The following FGF10 variants were observed in gnomAD, a reference collection of about 807,000 sequenced individuals.
FGF10 encodes FGF-10.
A neutral mutation model predicts 19.8 loss-of-function variants in FGF10; 2 were observed. The observed-to-expected ratio is 0.10, with a 90% CI of 0.04 to 0.32. FGF10 has a LOEUF of 0.32. Ranked by LOEUF, FGF10 falls within the 10% of genes least tolerant of loss-of-function variation. The pLI, the probability that FGF10 is intolerant of heterozygous loss-of-function variation, is 1.00. For synonymous variants in FGF10, 112 were observed against 94.0 expected (o/e 1.19, Z -1.10); for missense variants, 191 against 246.3 (o/e 0.78, Z 1.50).
At position 44,361,349 on chromosome 5, in the gene FGF10, G is replaced by A. The variant is rs115132603; in HGVS notation, c.325+27009C>T. ...ACTCATGAGAGCTTTCTATTTTAAT[G>A]CTGAGGCATTTGAAGGCCACTCAAG... On this transcript the variant is annotated intron_variant, in intron 1 of 2. Transcript: ENST00000264664. 8.9e-3 allele frequency among the ~76,000 whole-genome samples: 1,355 copies of A among 151,796 alleles called. 24 individuals carry two copies. Among genetic ancestry groups the A allele is most frequent in the African/African-American group, 0.031 (1,292 of 41,488 alleles).
intron 1 of FGF10, among the ~76,000 whole-genome samples, chr5:44,335,000 G>C (rs902799088): frequency 6.6e-6 from 1 of 152,028 alleles, no homozygotes. Flanking sequence ...ATTTTAAAAA[G>C]ATATAATATT....
Position 44,304,010 on chromosome 5 carries a change from T to C in FGF10, c.*985A>G, listed in dbSNP as rs1475974227. On this transcript the variant is annotated 3_prime_UTR_variant, in exon 3 of 3. Transcript: ENST00000264664. Reference sequence around the variant, plus strand: ...TATTCTTGGAGGCAAACTGATGTATTGAAAGAGAAGAATTTGGCCTTCTGG... The same window carrying C: ...TATTCTTGGAGGCAAACTGATGTATCGAAAGAGAAGAATTTGGCCTTCTGG... 1 of 152,166 alleles carries C rather than the reference T, an allele frequency of 6.6e-6. No homozygotes were observed. Among genetic ancestry groups the C allele is most frequent in the Non-Finnish European group, 1.5e-5 (1 of 68,028 alleles). The allele number at this position is 152,166 out of a possible 1,614,324, so 9.4% of individuals were successfully genotyped here. A position where few individuals can be genotyped will look rare whatever the true frequency, so the allele number is the denominator to read the frequency against.
intron 1 of FGF10, among the ~76,000 whole-genome samples, chr5:44,353,989 C>T (rs1741290790): frequency 6.6e-6 from 1 of 151,332 alleles, no homozygotes; most frequent in South Asian, 2.1e-4. Context: ...GGTAGCAATA[C>T]AACCAAGTAA....
chr5:44,319,685 T>C (rs541667090), intron 1 of FGF10, among the ~76,000 whole-genome samples: 2 of 152,326 alleles, frequency 1.3e-5, no homozygotes, highest in East Asian at 3.9e-4. Context: ...GATTACTTAG[T>C]GGGTAATCAT....
intron 1 of FGF10, among the ~76,000 whole-genome samples, chr5:44,352,284 A>G (rs1002123723): frequency 7.9e-5 from 12 of 151,630 alleles, no homozygotes; most frequent in Admixed American, 2.6e-4. Context: ...TGGTTTAGTC[A>G]AAGAGTTGCT....
chr5:44,301,848 C>A lies in FGF10; in HGVS notation c.*3147G>T, dbSNP rs923404544. Among the ~76,000 whole-genome samples, 2 of 151,636 alleles carry A rather than the reference C, an allele frequency of 1.3e-5. No individual in the cohort carries two copies. Among genetic ancestry groups the A allele is most frequent in the Non-Finnish European group, 2.9e-5 (2 of 67,992 alleles). On this transcript the variant is annotated 3_prime_UTR_variant, in exon 3 of 3. Transcript: ENST00000264664. Reference sequence around the variant, plus strand: ...TTCTGACTAATAAAACAAACAAGGACAATATTTTAATTTTCTTTTCCCAAC... The same window carrying A: ...TTCTGACTAATAAAACAAACAAGGAAAATATTTTAATTTTCTTTTCCCAAC...
At chr5:44,308,199 G>A (rs1740127427) in intron 2 of FGF10, among the ~76,000 whole-genome samples, 1 of 152,288 alleles carries the variant, frequency 6.6e-6, no homozygotes, top group East Asian at 1.9e-4. Context: ...TCAAGATGAA[G>A]CATAAGCACA....
intron 1 of FGF10, among the ~76,000 whole-genome samples, chr5:44,324,550 T>C (rs1740568693): frequency 6.6e-6 from 1 of 152,162 alleles, no homozygotes; most frequent in Non-Finnish European, 1.5e-5. Flanking sequence ...TCTCTTAATA[T>C]TATTTATTGC....
chr5:44,358,312 C>T (rs927857229), intron 1 of FGF10, among the ~76,000 whole-genome samples: 1 of 151,442 alleles, frequency 6.6e-6, no homozygotes, highest in Non-Finnish European at 1.5e-5. Context: ...ATGCTTTCCC[C>T]CAGATTCAGT....
intron 1 of FGF10, among the ~76,000 whole-genome samples, chr5:44,364,477 G>A (rs1013292921): frequency 4.6e-5 from 7 of 151,844 alleles, no homozygotes; most frequent in Non-Finnish European, 1.0e-4. Flanking sequence ...GCATTCAGTA[G>A]GTGGAGACCA....
chr5:44,389,128 C>CG lies in FGF10; in HGVS notation c.-447_-446insC. The CG allele has an allele frequency of 3.9e-5, 11 of 279,592 alleles. No homozygotes were observed. Among genetic ancestry groups the CG allele is most frequent in the South Asian group, 2.4e-4 (6 of 24,576 alleles). The allele number at this position is 279,592 out of a possible 1,614,324, so 17.3% of individuals were successfully genotyped here. On this transcript the variant is annotated 5_prime_UTR_variant, in exon 1 of 3. Transcript: ENST00000264664. ...GGTGGGGAATAGGGGGAGATATCTGCACCCCTCTGCGGTTGGCACCTTCTG... is the reference window on the plus strand; with the variant it reads ...GGTGGGGAATAGGGGGAGATATCTGCGACCCCTCTGCGGTTGGCACCTTCTG...
At chr5:44,339,708 G>T (rs2330545) in intron 1 of FGF10, among the ~76,000 whole-genome samples, 2 of 151,818 alleles carry the variant, frequency 1.3e-5, no homozygotes, top group African/African-American at 4.8e-5. Context: ...TATCTTTAAT[G>T]TCATGCTTTC....
At chr5:44,378,060 C>G (rs1196971002) in intron 1 of FGF10, among the ~76,000 whole-genome samples, 2 of 148,868 alleles carry the variant, frequency 1.3e-5, no homozygotes, top group African/African-American at 4.9e-5. Flanking sequence ...TGACATACCA[C>G]TATTACAGTG....
intron 1 of FGF10, among the ~76,000 whole-genome samples, chr5:44,364,271 A>C (rs1443123141): frequency 6.6e-6 from 1 of 151,908 alleles, no homozygotes; most frequent in Non-Finnish European, 1.5e-5. Flanking sequence ...GTGAGGTGAC[A>C]GGCATTGTCA....
chr5:44,388,776 G>C lies in FGF10; in HGVS notation c.-94C>G. The C allele has an allele frequency of 1.5e-6, 2 of 1,292,406 alleles. No individual in the cohort carries two copies. Among genetic ancestry groups the C allele is most frequent in the East Asian group, 4.9e-5 (2 of 41,082 alleles). 80.1% of individuals were successfully genotyped at this position (1,292,406 alleles called of 1,614,324 possible). A position where few individuals can be genotyped will look rare whatever the true frequency, so the allele number is the denominator to read the frequency against. On this transcript the variant is annotated 5_prime_UTR_variant, in exon 1 of 3. Coordinates refer to ENST00000264664, the MANE Select transcript of FGF10 (RefSeq NM_004465.2). ...GCAAGGCAAGGAGAGAGCTCGAGGT[G>C]GTGGCTGCTGGTTAGCTCCCTCTGG...
Position 44,301,939 on chromosome 5 carries a change from A to C in FGF10, c.*3056T>G, listed in dbSNP as rs551810293. Among the ~76,000 whole-genome samples, 20 of 152,236 alleles carry C rather than the reference A, an allele frequency of 1.3e-4. No homozygotes were observed. The highest frequency in any genetic ancestry group is 3.9e-4 in the Admixed American group (6 of 15,276). On this transcript the variant is annotated 3_prime_UTR_variant, in exon 3 of 3. Transcript: ENST00000264664. ...GTTCAGCCTTTTGCGAGTTAGGAGG[A>C]GGGAGTGATTCTATATCTTTATGAG...
intron 1 of FGF10, among the ~76,000 whole-genome samples, chr5:44,349,358 C>T (rs1257786645): frequency 1.4e-5 from 2 of 138,204 alleles, no homozygotes; most frequent in African/African-American, 2.6e-5. Context: ...AAATTAAGGT[C>T]TTTGTGGTCT....
At chr5:44,305,328 A>C in intron 2 of FGF10, 136 bp from the exon 3 acceptor site, 1 of 725,818 alleles carries the variant, frequency 1.4e-6, no homozygotes, top group Non-Finnish European at 2.4e-6. Flanking sequence ...CACTTAATAC[A>C]TAATGTCAAC....
intron 1 of FGF10, among the ~76,000 whole-genome samples, chr5:44,338,136 A>G (rs893021885): frequency 6.6e-6 from 1 of 152,176 alleles, no homozygotes; most frequent in African/African-American, 2.4e-5. Context: ...TAATAATGTA[A>G]GCTTTAAATT....
Sources: gnomAD v4.1 joint callset for allele counts (sites outside exome capture counted in the v4.1 genomes callset) on GRCh38, gnomAD v4.1.1 for gene constraint, MANE v1.5 for transcripts, NCBI Gene and HGNC (gene_info 2026-07-23, HGNC 2026-07-21) for gene names.